Variants in PTPRD observed in about 807,000 individuals in gnomAD.
PTPRD encodes protein tyrosine phosphatase receptor type D.
PTPRD carries 34 observed loss-of-function variants against 214.5 expected under a neutral mutation model. The ratio of observed to expected loss-of-function variants is 0.16; its 90% CI spans 0.12 to 0.21. PTPRD has a LOEUF of 0.21. PTPRD is among the 10% of genes least tolerant of loss of function. The probability of loss-of-function intolerance (pLI) is 1.00; values close to 1 mark genes in which losing one functional copy is unlikely to be tolerated. For synonymous variants in PTPRD, 1,128 were observed against 845.7 expected (o/e 1.33, Z -5.79); for missense variants, 2,545 against 2,398.7 (o/e 1.06, Z -1.27).
At chr9:10,211,632 C>T (rs1253424076) in intron 3 of PTPRD, among the ~76,000 whole-genome samples, 5 of 152,152 alleles carry the variant, frequency 3.3e-5, no homozygotes, top group Admixed American at 2.0e-4. Flanking sequence ...ATAGAAATTA[C>T]ATAATGTCTT....
chr9:10,303,659 C>A (rs2095947006), intron 3 of PTPRD, among the ~76,000 whole-genome samples: 1 of 152,200 alleles, frequency 6.6e-6, no homozygotes, highest in South Asian at 2.1e-4. Context: ...ACTAGAAAAT[C>A]TAGAAGAAAT....
chr9:8,322,569 C>G (rs1829481598), intron 44 of PTPRD, among the ~76,000 whole-genome samples: 1 of 152,116 alleles, frequency 6.6e-6, no homozygotes. Context: ...GGTGAGGAGG[C>G]TGCAGAAGAA....
chr9:9,338,608 C>T (rs1028203665), intron 9 of PTPRD, among the ~76,000 whole-genome samples: 1 of 152,114 alleles, frequency 6.6e-6, no homozygotes, highest in African/African-American at 2.4e-5. Flanking sequence ...AATTAACTTT[C>T]CAAGCTCTTC....
intron 7 of PTPRD, among the ~76,000 whole-genome samples, chr9:9,731,891 G>C (rs888353808): frequency 3.9e-5 from 6 of 152,160 alleles, no homozygotes; most frequent in African/African-American, 1.4e-4. Context: ...AAGAGAACAA[G>C]ATGACATTGT....
At chr9:8,806,829 C>CAAA (rs2096693521) in intron 11 of PTPRD, among the ~76,000 whole-genome samples, 1 of 152,172 alleles carries the variant, frequency 6.6e-6, no homozygotes, top group African/African-American at 2.4e-5. Flanking sequence ...CAAACACACT[C>CAAA]CCTCCACTTG....
At chr9:8,930,897 C>G (rs1287334993) in intron 11 of PTPRD, among the ~76,000 whole-genome samples, 1 of 152,028 alleles carries the variant, frequency 6.6e-6, no homozygotes, top group African/African-American at 2.4e-5. Context: ...AAAATGTTCT[C>G]CCATTCTGTA....
intron 2 of PTPRD, among the ~76,000 whole-genome samples, chr9:10,549,825 T>A (rs912036460): frequency 3.9e-5 from 6 of 152,148 alleles, no homozygotes; most frequent in East Asian, 3.9e-4. Flanking sequence ...GATTTTTTTT[T>A]AATTTAGATT....
At chr9:9,689,178 C>T (rs1010210675) in intron 7 of PTPRD, among the ~76,000 whole-genome samples, 7 of 151,602 alleles carry the variant, frequency 4.6e-5, no homozygotes, top group East Asian at 1.9e-4. Flanking sequence ...ATTTCACGAC[C>T]AGAGACTACT....
At chr9:9,947,564 TTA>T (rs1491227353) in intron 4 of PTPRD, among the ~76,000 whole-genome samples, 471 of 34,260 alleles carry the variant, frequency 0.014, 16 homozygotes, top group Middle Eastern at 0.018. Context: ...TATATATATT[TTA>T]TATATATATT....
At chr9:8,328,466 A>C (rs1349661526) in intron 44 of PTPRD, among the ~76,000 whole-genome samples, 1 of 151,872 alleles carries the variant, frequency 6.6e-6, no homozygotes, top group Non-Finnish European at 1.5e-5. Context: ...CCTTCGTTTC[A>C]AGCTTGGTGA....
At chr9:9,918,801 A>G (rs2153855497) in intron 5 of PTPRD, among the ~76,000 whole-genome samples, 1 of 152,272 alleles carries the variant, frequency 6.6e-6, no homozygotes, top group South Asian at 2.1e-4. Context: ...TTCACTGTTG[A>G]AAAGGTAGTA....
intron 6 of PTPRD, among the ~76,000 whole-genome samples, chr9:9,748,886 CA>C (rs1170505064): frequency 1.3e-5 from 2 of 152,098 alleles, no homozygotes; most frequent in Non-Finnish European, 2.9e-5. Flanking sequence ...TTATTGTCTG[CA>C]TACTGATATT....
intron 7 of PTPRD, among the ~76,000 whole-genome samples, chr9:9,621,681 T>C (rs2095245750): frequency 6.6e-6 from 1 of 152,090 alleles, no homozygotes; most frequent in Non-Finnish European, 1.5e-5. Flanking sequence ...TAAGGTGCAA[T>C]CTGGTTTTAG....
At chr9:9,185,921 G>A (rs2099931142) in intron 9 of PTPRD, among the ~76,000 whole-genome samples, 1 of 149,502 alleles carries the variant, frequency 6.7e-6, no homozygotes, top group African/African-American at 2.5e-5. Flanking sequence ...TTTCTTTTCA[G>A]AGTACAAATA....
chr9:9,998,724 GTC>G (rs2096235404), intron 4 of PTPRD, among the ~76,000 whole-genome samples: 1 of 152,090 alleles, frequency 6.6e-6, no homozygotes, highest in Non-Finnish European at 1.5e-5. Context: ...TCTAAATAAC[GTC>G]TCTCTCCAGG....
chr9:8,358,882 C>T (rs954776374), intron 39 of PTPRD, among the ~76,000 whole-genome samples: 13 of 151,306 alleles, frequency 8.6e-5, no homozygotes, highest in Admixed American at 4.6e-4. Flanking sequence ...CCGAGGCGGG[C>T]GGATCACGAG....
At chr9:9,688,952 C>T (rs2097213653) in intron 7 of PTPRD, among the ~76,000 whole-genome samples, 2 of 151,616 alleles carry the variant, frequency 1.3e-5, no homozygotes, top group South Asian at 4.2e-4. Flanking sequence ...GATATAGATA[C>T]ATAGATGTAT....
intron 2 of PTPRD, among the ~76,000 whole-genome samples, chr9:10,429,103 G>A (rs2098652955): frequency 6.6e-6 from 1 of 151,744 alleles, no homozygotes; most frequent in African/African-American, 2.4e-5. Flanking sequence ...AATTTATCTA[G>A]AACTAGAAAA....
chr9:8,821,274 CCTCTCTCTCTCTCTGTCTCT>C (rs1173861595), intron 11 of PTPRD, among the ~76,000 whole-genome samples: 2 of 151,000 alleles, frequency 1.3e-5, no homozygotes, highest in Non-Finnish European at 3.0e-5. Flanking sequence ...TTTACAGCCA[CCTCTCTCTCTCTCTGTCTCT>C]CTCTCTCTCT....
Sources: gnomAD v4.1 joint callset for allele counts (sites outside exome capture counted in the v4.1 genomes callset) on GRCh38, gnomAD v4.1.1 for gene constraint, MANE v1.5 for transcripts, NCBI Gene and HGNC (gene_info 2026-07-23, HGNC 2026-07-21) for gene names.